The following SUPT5H variants were observed in gnomAD, a reference collection of about 807,000 sequenced individuals.
SUPT5H encodes the protein SPT5 homolog, DSIF elongation factor subunit.
SUPT5H carries 24 observed loss-of-function variants against 142.5 expected under a neutral mutation model. That is an observed-to-expected ratio of 0.17 (90% CI 0.12 to 0.24). The LOEUF (loss-of-function observed/expected upper bound fraction) is 0.24, where lower values mean the gene tolerates loss of function less well. SUPT5H is among the 10% of genes least tolerant of loss of function. SUPT5H has a pLI of 1.00. For missense variants in SUPT5H, 893 were observed against 1,471.8 expected (o/e 0.61, Z 6.43); for synonymous variants, 546 against 553.0 (o/e 0.99, Z 0.18).
chr19:39,459,953 C>T lies in SUPT5H; in HGVS notation c.617C>T (p.Thr206Ile), dbSNP rs763006253. 6 of 1,613,970 alleles carry T rather than the reference C, an allele frequency of 3.7e-6. No homozygotes were observed. The highest frequency in any genetic ancestry group is 2.2e-5 in the South Asian group (2 of 91,086). ...LMRKFIAYQF[T>I]DTPLQIKSVV... ...CGCAAGTTCATTGCCTACCAGTTCACAGACACGGTAAGTCGGGTAGACAGG... is the reference window on the plus strand; with the variant it reads ...CGCAAGTTCATTGCCTACCAGTTCATAGACACGGTAAGTCGGGTAGACAGG... The change falls in exon 10 of 30, where the codon ACA (threonine) becomes ATA (isoleucine). Residue 206 changes from threonine (T) to isoleucine (I), a missense_variant. This residue lies in a region of SUPT5H where 428 missense variants were observed against 763.5 expected (regional missense o/e 0.56). Transcript: ENST00000432763.
Position 39,470,624 on chromosome 19 carries a change from G to C in SUPT5H, c.1677+101G>C. 7.4e-7 allele frequency: 1 copy of C among 1,347,242 alleles called. No individual in the cohort carries two copies. The highest frequency in any genetic ancestry group is 1.5e-5 in the African/African-American group (1 of 66,734). The allele number at this position is 1,347,242 out of a possible 1,614,324, so 83.5% of individuals were successfully genotyped here. A position where few individuals can be genotyped will look rare whatever the true frequency, so the allele number is the denominator to read the frequency against. ...TGGCAGAGCCCCCAGACTGCTCTGG[G>C]TTGCAGATCTGGCTCTGTCACTTAC... On this transcript the variant is annotated intron_variant, in intron 18 of 29. Transcript: ENST00000432763. This position sits in a 1 kb window ranked among gnomAD's most constrained non-coding sequence, Gnocchi z 5.8.
chr19:39,473,988 T>C lies in SUPT5H; in HGVS notation c.2518T>C (p.Phe840Leu), dbSNP rs764503110. The C allele has an allele frequency of 6.2e-7, 1 of 1,613,844 alleles. No homozygotes were observed. Among genetic ancestry groups the C allele is most frequent in the Non-Finnish European group, 8.5e-7 (1 of 1,179,950 alleles). Reference protein sequence around the residue: ...SRAEEEYEYAFDDEPTPSPQA... With the variant: ...SRAEEEYEYALDDEPTPSPQA... ...GGCTGAGGAAGAATATGAGTATGCTTTCGATGATGAGCCCACCCCGTCCCC... is the reference window on the plus strand; with the variant it reads ...GGCTGAGGAAGAATATGAGTATGCTCTCGATGATGAGCCCACCCCGTCCCC... The change falls in exon 26 of 30, where the codon TTC (phenylalanine) becomes CTC (leucine). Residue 840 changes from phenylalanine to leucine, a missense_variant. Phe to Leu is a conservative substitution (Grantham distance 22). This residue lies in a region of SUPT5H where 336 missense variants were observed against 546.5 expected (regional missense o/e 0.61). Transcript: ENST00000432763. This position sits in a 1 kb window ranked among gnomAD's most constrained non-coding sequence, Gnocchi z 5.8.
rs771750800 is a variant in SUPT5H at position 39,476,426 on chromosome 19, G to A, written c.*27G>A. The A allele has an allele frequency of 1.8e-5, 29 of 1,612,702 alleles. No individual in the cohort carries two copies. Among genetic ancestry groups the A allele is most frequent in the South Asian group, 5.5e-5 (5 of 91,046 alleles). On this transcript the variant is annotated 3_prime_UTR_variant, in exon 30 of 30. Transcript: ENST00000432763. ...GCAGGCAGGGCCGGTGGACTTCGTC[G>A]GATGAAGAGTGATCCTCCTTCCTTC...
chr19:39,454,421 T>C (rs1481571483), intron 3 of SUPT5H, among the ~76,000 whole-genome samples: 2 of 143,618 alleles, frequency 1.4e-5, no homozygotes, highest in African/African-American at 5.1e-5. Context: ...GATGGCTCAC[T>C]GCAACCTCTC....
chr19:39,464,898 T>C lies in SUPT5H; in HGVS notation c.725T>C (p.Val242Ala), dbSNP rs1310363731. ...QTHVKQAIEG[V>A]GNLRLGYWNQ... ...CACGTGAAGCAGGCCATTGAGGGGG[T>C]GGGCAACCTGCGGCTTGGCTACTGG... Residue 242 changes from valine (V) to alanine (A), a missense_variant, in exon 11 of 30, where the codon GTG becomes GCG. Transcript: ENST00000432763. 2 of 1,613,786 alleles carry C rather than the reference T, an allele frequency of 1.2e-6. No homozygotes were observed. The highest frequency in any genetic ancestry group is 1.7e-5 in the Admixed American group (1 of 59,966).
chr19:39,475,595 G>A (rs940117160), intron 28 of SUPT5H, among the ~76,000 whole-genome samples: 1 of 152,100 alleles, frequency 6.6e-6, no homozygotes, highest in Non-Finnish European at 1.5e-5. Flanking sequence ...GGGACCCCAG[G>A]GGGAGGTTGG....
In SUPT5H at chr19:39,469,497, C is replaced by A; in HGVS notation, c.1374+99C>A. 6.4e-7 allele frequency: 1 copy of A among 1,551,088 alleles called. No homozygotes were observed. The highest frequency in any genetic ancestry group is 1.2e-5 in the South Asian group (1 of 85,044). ...TGGTGTGCCTGGTGACACCTGGTTTCCAGGAGGGTAAGTTGAGGCCCTTCT... is the reference window on the plus strand; with the variant it reads ...TGGTGTGCCTGGTGACACCTGGTTTACAGGAGGGTAAGTTGAGGCCCTTCT... On this transcript the variant is annotated intron_variant, in intron 16 of 29. Coordinates refer to ENST00000432763, the MANE Select transcript of SUPT5H (RefSeq NM_001111020.3). The surrounding 1 kb of genome is among the most constrained non-coding windows in gnomAD (Gnocchi z 5.1).
chr19:39,474,341 G>T lies in SUPT5H; in HGVS notation c.2759G>T (p.Gly920Val). ...CACCAGGTGGCGCCAAGCCCAGCAG[G>T]CTACCAGAATACCCACTCCCCAGCC... ...SYHQVAPSPA[G>V]YQNTHSPASY... Residue 920 changes from glycine to valine, a missense_variant, in exon 27 of 30, where the codon GGC (glycine) becomes GTC (valine). This residue lies in a region of SUPT5H where 336 missense variants were observed against 546.5 expected (regional missense o/e 0.61). Coordinates refer to ENST00000432763, the MANE Select transcript of SUPT5H (RefSeq NM_001111020.3). The surrounding 1 kb of genome is among the most constrained non-coding windows in gnomAD (Gnocchi z 6.5). 1 of 1,614,012 alleles carries T rather than the reference G, an allele frequency of 6.2e-7. No homozygotes were observed. Among genetic ancestry groups the T allele is most frequent in the Non-Finnish European group, 8.5e-7 (1 of 1,179,994 alleles).
Position 39,470,593 on chromosome 19 carries a change from G to A in SUPT5H, c.1677+70G>A, listed in dbSNP as rs779581767. ...TTCCTGTCCCTCAACCCCTCATCCT[G>A]GGAGGTGGCAGAGCCCCCAGACTGC... On this transcript the variant is annotated intron_variant, in intron 18 of 29. Transcript: ENST00000432763. The surrounding 1 kb of genome is among the most constrained non-coding windows in gnomAD (Gnocchi z 5.8). 4.1e-6 allele frequency: 6 copies of A among 1,448,362 alleles called. No individual in the cohort carries two copies. The highest frequency in any genetic ancestry group is 9.1e-7 in the Non-Finnish European group (1 of 1,095,958). The allele number at this position is 1,448,362 out of a possible 1,614,324, so 89.7% of individuals were successfully genotyped here. A position where few individuals can be genotyped will look rare whatever the true frequency, so the allele number is the denominator to read the frequency against.
chr19:39,471,970 C>T (rs1000094731), intron 20 of SUPT5H: 5 of 590,284 alleles, frequency 8.5e-6, no homozygotes, highest in African/African-American at 7.5e-5. Context: ...CACTGGAGAA[C>T]CAGTGGTGAA....
chr19:39,445,973 G>A lies in SUPT5H; in HGVS notation c.75+8G>A, dbSNP rs752886249. 6.2e-7 allele frequency: 1 copy of A among 1,610,076 alleles called. No individual in the cohort carries two copies. The highest frequency in any genetic ancestry group is 8.5e-7 in the Non-Finnish European group (1 of 1,179,328). ...GACGGCGAGGAGGCCGAGGTCTGTG[G>A]CTGGGGCGCTGGGGGAGACATTGCG... On this transcript the variant is annotated splice_region_variant and intron_variant, in intron 2 of 29. Coordinates refer to ENST00000432763, the MANE Select transcript of SUPT5H (RefSeq NM_001111020.3).
In SUPT5H at chr19:39,476,276, G is replaced by A; in HGVS notation, c.3141G>A (p.Glu1047=). Residue 1047 remains glutamate, a synonymous_variant, in exon 30 of 30, where the codon GAG becomes GAA. Coordinates refer to ENST00000432763, the MANE Select transcript of SUPT5H (RefSeq NM_001111020.3). ...CCCAGGTGAAAGTGATCCTGGGCGA[G>A]GATCGGGAAGCCACGGGCGTCCTAC... The part of the protein sequence containing the change: ...KNNKVKVILG[E]DREATGVLLS... 6.2e-7 allele frequency: 1 copy of A among 1,614,108 alleles called. No individual in the cohort carries two copies. Among genetic ancestry groups the A allele is most frequent in the East Asian group, 2.2e-5 (1 of 44,872 alleles).
intron 2 of SUPT5H, among the ~76,000 whole-genome samples, chr19:39,452,603 T>C (rs928625662): frequency 1.3e-5 from 2 of 151,962 alleles, no homozygotes; most frequent in African/African-American, 4.8e-5. Flanking sequence ...GCAACAGGGG[T>C]GGCCAGTGAT....
intron 2 of SUPT5H, among the ~76,000 whole-genome samples, chr19:39,448,019 C>G (rs972515765): frequency 2.0e-5 from 3 of 152,052 alleles, no homozygotes; most frequent in Non-Finnish European, 1.5e-5. Flanking sequence ...GAGCTGGCAC[C>G]CTGGGACACA....
chr19:39,476,219 C>T, intron 29 of SUPT5H, 37 bp from the exon 30 acceptor site: 1 of 1,614,030 alleles, frequency 6.2e-7, no homozygotes, highest in South Asian at 1.1e-5. Context: ...CCGTTGGGTG[C>T]TGACATGGAC....
intron 2 of SUPT5H, among the ~76,000 whole-genome samples, chr19:39,451,929 C>T (rs8107194): frequency 0.6 from 91,042 of 151,978 alleles, 28,063 homozygotes; most frequent in African/African-American, 0.74. Context: ...GAGTTAAAGA[C>T]TGAAGTTTGG....
In SUPT5H at chr19:39,445,826, C is replaced by T. The variant is rs543822768; in HGVS notation, c.-65C>T. ...CAGGGAACCAGCGGGGAAACTGAGG[C>T]TCGGGGTGGAGCGCAGGATTGTGGG... On this transcript the variant is annotated 5_prime_UTR_variant, in exon 2 of 30. Transcript: ENST00000432763. 1 of 1,573,440 alleles carries T rather than the reference C, an allele frequency of 6.4e-7. No homozygotes were observed. Among genetic ancestry groups the T allele is most frequent in the African/African-American group, 1.3e-5 (1 of 74,368 alleles).
Position 39,459,259 on chromosome 19 carries a change from T to C in SUPT5H, c.524+10T>C. On this transcript the variant is annotated intron_variant, in intron 8 of 29. Coordinates refer to ENST00000432763, the MANE Select transcript of SUPT5H (RefSeq NM_001111020.3). ...TGCTCCCAGGAGTCAAGTAAGGGGG[T>C]TGGGATGGTGGGGGCCGTGCTGGGG... 4 of 1,552,816 alleles carry C rather than the reference T, an allele frequency of 2.6e-6. No individual in the cohort carries two copies. The highest frequency in any genetic ancestry group is 3.5e-6 in the Non-Finnish European group (4 of 1,148,608).
chr19:39,459,565 C>T lies in SUPT5H; in HGVS notation c.531C>T (p.Pro177=). 6.2e-7 allele frequency: 1 copy of T among 1,613,906 alleles called. No homozygotes were observed. Among genetic ancestry groups the T allele is most frequent in the Non-Finnish European group, 8.5e-7 (1 of 1,179,954 alleles). ...CTTTTCCTCTGCTGCTTAGGGATCC[C>T]AATCTGTGGACTGTCAAATGTAAGG... The part of the protein sequence containing the change: ...QQQLLPGVKD[P]NLWTVKCKIG... The change falls in exon 9 of 30, where the codon CCC becomes CCT. Residue 177 remains proline, a synonymous_variant. Transcript: ENST00000432763.
Sources: gnomAD v4.1 joint callset for allele counts (sites outside exome capture counted in the v4.1 genomes callset) on GRCh38, gnomAD v4.1.1 for gene constraint, gnomAD v4.1.1 regional missense constraint, Gnocchi (gnomAD v3.1) non-coding constraint, MANE v1.5 for transcripts, NCBI Gene and HGNC (gene_info 2026-07-23, HGNC 2026-07-21) for gene names.